The following PZP variants were observed in gnomAD, a reference collection of about 807,000 sequenced individuals.
PZP encodes the protein pregnancy zone protein.
In PZP, 150 loss-of-function variants were observed where a neutral mutation model predicts 179.8. The observed-to-expected ratio is 0.83, with a 90% confidence interval of 0.73 to 0.96. The LOEUF (loss-of-function observed/expected upper bound fraction) is 0.96, where lower values mean the gene tolerates loss of function less well. Among genes scored for constraint, PZP ranks in the 40% least tolerant of loss-of-function variants. The pLI, the probability that PZP is intolerant of heterozygous loss-of-function variation, is 0.00. For synonymous variants in PZP, 624 were observed against 652.3 expected, an observed-to-expected ratio of 0.96 and a Z score of 0.66; for missense variants, 1,689 against 1,764.0, an observed-to-expected ratio of 0.96 and a Z score of 0.76.
At position 9,192,170 on chromosome 12, in the gene PZP, G is replaced by C. The variant is rs374657580; in HGVS notation, c.1546+23C>G. ...TAAGGATGTGTTAGGGGAGCAAGGAGAGATGAATCTGAGGATACTCACTGT... is the reference window on the plus strand; with the variant it reads ...TAAGGATGTGTTAGGGGAGCAAGGACAGATGAATCTGAGGATACTCACTGT... On this transcript the variant is annotated intron_variant, in intron 13 of 35. Transcript: ENST00000261336. 6 of 1,600,928 alleles carry C rather than the reference G, an allele frequency of 3.7e-6. No homozygotes were observed. In the African/African-American group the frequency reaches 8.0e-5, roughly 21 times the overall value.
chr12:9,183,783 C>T lies in PZP; in HGVS notation c.1547-1666G>A, dbSNP rs1048519611. 3.9e-5 allele frequency among the ~76,000 whole-genome samples: 6 copies of T among 152,170 alleles called. 1 individual carries two copies. The East Asian group carries it at 1.2e-3, about 29-fold the overall frequency. On this transcript the variant is annotated intron_variant, in intron 13 of 35. Transcript: ENST00000261336. ...ACTCTACGTAGAATGTGGAATTTTT[C>T]CAACTTCATGCAAATTTGACTTTAG...
downstream of PZP, among the ~76,000 whole-genome samples, chr12:9,145,545 TCTTTTAA>T (rs1282504756): frequency 2.0e-5 from 3 of 152,352 alleles, no homozygotes; most frequent in South Asian, 2.1e-4. Context: ...AATACTTTTC[TCTTTTAA>T]CTTTTAACTG....
chr12:9,192,584 C>G lies in PZP; in HGVS notation c.1410G>C (p.Glu470Asp), dbSNP rs2121106836. ...TCAGTGTATAGTGTGCCGTGATAGTCTCCGTGTGGCCACAGGGCAGGGTAC... is the reference window on the plus strand; with the variant it reads ...TCAGTGTATAGTGTGCCGTGATAGTGTCCGTGTGGCCACAGGGCAGGGTAC... The part of the protein sequence containing the change: ...VAGTLPCGHT[E>D]TITAHYTLNR... The change falls in exon 12 of 36, where the codon GAG (glutamate) becomes GAC (aspartate). Residue 470 changes from glutamate (E) to aspartate (D), a missense_variant. Transcript: ENST00000261336. 6.2e-7 allele frequency: 1 copy of G among 1,614,226 alleles called. No individual in the cohort carries two copies. The highest frequency in any genetic ancestry group is 2.2e-5 in the East Asian group (1 of 44,884).
chr12:9,202,292 C>A, intron 4 of PZP, 27 bp downstream of exon 4: 1 of 1,597,292 alleles, frequency 6.3e-7, no homozygotes, highest in Non-Finnish European at 8.6e-7. Flanking sequence ...CTACCCACAA[C>A]CCAAACCACA....
intron 9 of PZP, 28 bp from the exon 10 acceptor site, chr12:9,196,467 T>C (rs924261611): frequency 6.3e-7 from 1 of 1,581,216 alleles, no homozygotes; most frequent in Non-Finnish European, 8.7e-7. Context: ...TCAGTACTTT[T>C]AGAAGTTACT....
rs752019492 is a variant in PZP at position 9,194,173 on chromosome 12, G to A, written c.1158C>T (p.Asp386=). The A allele has an allele frequency of 2.0e-5, 33 of 1,613,810 alleles. No homozygotes were observed. The highest frequency in any genetic ancestry group is 2.0e-4 in the African/African-American group (15 of 75,016). The change falls in exon 11 of 36, where the codon GAC becomes GAT. Residue 386 remains aspartate, a synonymous_variant. Transcript: ENST00000261336. ...TGGTTGCATTGGAGTAATAATTGGC[G>A]TCATTCACAGAGATGAAGAAGAGTT... ...PNKLFFISVN[D]ANYYSNATTN... is the part of the protein sequence containing the mutation.
rs1477595819 is a variant in PZP at position 9,160,293 on chromosome 12, AT to A, written c.3049+20del. 1 of 1,582,840 alleles carries A rather than the reference AT, an allele frequency of 6.3e-7. No homozygotes were observed. The highest frequency in any genetic ancestry group is 8.6e-7 in the Non-Finnish European group (1 of 1,164,814). ...AAGTTTCATTAGAGTAACAAAGTAAATTTTTCTCTGTCTCACTTACCAGTGA... is the reference window on the plus strand; with the variant it reads ...AAGTTTCATTAGAGTAACAAAGTAAATTTTCTCTGTCTCACTTACCAGTGA... On this transcript the variant is annotated intron_variant, in intron 24 of 35. Coordinates refer to ENST00000261336, the MANE Select transcript of PZP (RefSeq NM_002864.3).
chr12:9,194,408 T>C (rs1943629525), intron 10 of PZP, among the ~76,000 whole-genome samples, 170 bp from the exon 11 acceptor site: 1 of 151,878 alleles, frequency 6.6e-6, no homozygotes, highest in Non-Finnish European at 1.5e-5. Context: ...TGGATCCTCA[T>C]GTCCTACATA....
In PZP at chr12:9,171,882, A is replaced by C. The variant is rs184792360; in HGVS notation, c.1840-2291T>G. 7.7e-3 allele frequency among the ~76,000 whole-genome samples: 1,166 copies of C among 152,348 alleles called. 9 individuals are homozygous for C. The highest frequency in any genetic ancestry group is 8.9e-3 in the Non-Finnish European group (603 of 68,038). On this transcript the variant is annotated intron_variant, in intron 15 of 35. Coordinates refer to ENST00000261336, the MANE Select transcript of PZP (RefSeq NM_002864.3). ...TATGACTGATTGGGATCCTTGAAAGAGACAGGGAGAATGGAACCAAGTTGG... is the reference window on the plus strand; with the variant it reads ...TATGACTGATTGGGATCCTTGAAAGCGACAGGGAGAATGGAACCAAGTTGG...
At chr12:9,193,128 A>G (rs774585683) in intron 11 of PZP, among the ~76,000 whole-genome samples, 1 of 152,360 alleles carries the variant, frequency 6.6e-6, no homozygotes, top group East Asian at 1.9e-4. Context: ...CTATTACCTT[A>G]TGAGCTTCAA....
chr12:9,161,176 G>T, intron 22 of PZP, 60 bp from the exon 23 acceptor site: 1 of 1,353,262 alleles, frequency 7.4e-7, no homozygotes, highest in Non-Finnish European at 1.0e-6. Context: ...ATAATTTAGT[G>T]ATTATAATGT....
chr12:9,175,202 C>G (rs745598483), intron 15 of PZP, among the ~76,000 whole-genome samples: 1 of 152,262 alleles, frequency 6.6e-6, no homozygotes, highest in South Asian at 2.1e-4. Flanking sequence ...CAAAAACAAG[C>G]AATGGAGGAA....
chr12:9,194,170 G>A lies in PZP; in HGVS notation c.1161C>T (p.Ala387=). The A allele has an allele frequency of 1.2e-6, 2 of 1,613,836 alleles. No homozygotes were observed. The highest frequency in any genetic ancestry group is 1.7e-5 in the Admixed American group (1 of 60,020). Residue 387 remains alanine, a synonymous_variant, in exon 11 of 36, where the codon GCC becomes GCT. Transcript: ENST00000261336. ...TGGTGGTTGCATTGGAGTAATAATT[G>A]GCGTCATTCACAGAGATGAAGAAGA... The part of the protein sequence containing the change: ...NKLFFISVND[A]NYYSNATTNE...
chr12:9,141,094 A>C, the PZP span, among the ~76,000 whole-genome samples: 4 of 152,216 alleles, frequency 2.6e-5, no homozygotes, highest in Non-Finnish European at 5.9e-5. Flanking sequence ...AGTAGCCATA[A>C]AGTTACAATT....
At chr12:9,163,893 T>TA (rs1233756137) in intron 20 of PZP, 104 bp from the exon 21 acceptor site, 496 of 1,371,340 alleles carry the variant, frequency 3.6e-4, no homozygotes, top group African/African-American at 8.5e-4. Context: ...AAAATAAGGC[T>TA]AAAAAAAAAG....
intron 23 of PZP, among the ~76,000 whole-genome samples, chr12:9,160,807 C>T (rs992836511): frequency 2.0e-5 from 3 of 151,510 alleles, no homozygotes; most frequent in Non-Finnish European, 2.9e-5. Flanking sequence ...CCCAGCTACT[C>T]GGGAGGCTGA....
Position 9,164,265 on chromosome 12 carries a change from A to G in PZP, c.2488-6T>C. ...GCTTTCAGCTGCACACTGACCTATC[A>G]CCCCATGTGAGGCAGAGACAGAAAT... is the stretch of plus-strand genomic sequence containing the variant. On this transcript the variant is annotated splice_region_variant and splice_polypyrimidine_tract_variant and intron_variant, in intron 19 of 35. Coordinates refer to ENST00000261336, the MANE Select transcript of PZP (RefSeq NM_002864.3). 1.2e-6 allele frequency: 2 copies of G among 1,612,078 alleles called. No homozygotes were observed. The highest frequency in any genetic ancestry group is 1.7e-6 in the Non-Finnish European group (2 of 1,178,670).
chr12:9,146,620 A>G (rs1940023114), downstream of PZP, among the ~76,000 whole-genome samples: 1 of 150,732 alleles, frequency 6.6e-6, no homozygotes, highest in African/African-American at 2.4e-5. Flanking sequence ...CACCTCTCCC[A>G]TTCTTCACAG....
intron 10 of PZP, among the ~76,000 whole-genome samples, chr12:9,194,854 T>C (rs1177973378): frequency 5.9e-5 from 9 of 152,182 alleles, no homozygotes; most frequent in African/African-American, 1.9e-4. Context: ...TGGCTGTTTT[T>C]CCCTTTTCGC....
Sources: allele counts gnomAD v4.1 joint callset (sites outside exome capture counted in the v4.1 genomes callset), GRCh38; gene constraint gnomAD v4.1.1; transcripts MANE v1.5; gene names NCBI Gene and HGNC (gene_info 2026-07-23, HGNC 2026-07-21).